Variants in SIN3A observed in about 807,000 individuals in gnomAD.
The protein encoded by SIN3A is SIN3 transcription regulator family member A.
SIN3A carries 14 observed loss-of-function variants against 146.1 expected under a neutral mutation model. The ratio of observed to expected loss-of-function variants is 0.10; its 90% CI spans 0.06 to 0.15. The LOEUF is 0.15. Among genes scored for constraint, SIN3A ranks in the 10% least tolerant of loss-of-function variants. The pLI, the probability that SIN3A is intolerant of heterozygous loss-of-function variation, is 1.00. For synonymous variants in SIN3A, 572 were observed against 572.0 expected, an observed-to-expected ratio of 1.00 and a Z score of 0.00; for missense variants, 1,028 against 1,576.0, an observed-to-expected ratio of 0.65 and a Z score of 5.89.
chr15:75,412,568 T>C (rs945785597), intron 5 of SIN3A, among the ~76,000 whole-genome samples, 195 bp downstream of exon 5: 1 of 152,224 alleles, frequency 6.6e-6, no homozygotes, highest in Non-Finnish European at 1.5e-5. Flanking sequence ...GCTGTGTTGA[T>C]TTAAATAGAT....
intron 16 of SIN3A, among the ~76,000 whole-genome samples, chr15:75,386,645 T>C (rs914643261): frequency 2.6e-5 from 4 of 152,212 alleles, no homozygotes; most frequent in Non-Finnish European, 5.9e-5. Flanking sequence ...TATGTTCATC[T>C]GCAGAGCAAA....
chr15:75,413,710 A>C (rs1248729530), intron 4 of SIN3A, among the ~76,000 whole-genome samples: 33 of 152,170 alleles, frequency 2.2e-4, no homozygotes, highest in Admixed American at 2.1e-3. Context: ...TGCCCGGCTA[A>C]TTTTTGGAAT....
chr15:75,375,355 G>C (rs1359302508), intron 20 of SIN3A, among the ~76,000 whole-genome samples: 1 of 152,186 alleles, frequency 6.6e-6, no homozygotes, highest in Admixed American at 6.5e-5. Context: ...GAATGCCAAA[G>C]ATTGCCAGCA....
At chr15:75,419,648 C>G (rs1318175461) in intron 3 of SIN3A, 1 of 150,670 alleles carries the variant, frequency 6.6e-6, no homozygotes, top group Non-Finnish European at 1.5e-5. Flanking sequence ...GGAAAAACCC[C>G]GTCCTAGTAA....
intron 1 of SIN3A, among the ~76,000 whole-genome samples, chr15:75,450,640 C>G (rs549412602): frequency 1.3e-5 from 2 of 152,354 alleles, no homozygotes; most frequent in South Asian, 4.1e-4. Context: ...CTGCATGGAG[C>G]AAAGCGGAGA....
intron 6 of SIN3A, 84 bp downstream of exon 6, chr15:75,411,408 G>C (rs968199799): frequency 7.6e-7 from 1 of 1,322,998 alleles, no homozygotes; most frequent in African/African-American, 1.5e-5. Context: ...ATGAATTAAT[G>C]GACACAATAA....
intron 6 of SIN3A, 146 bp from the exon 7 acceptor site, chr15:75,410,432 TTC>T (rs1236512355): frequency 1.4e-6 from 1 of 710,272 alleles, no homozygotes; most frequent in African/African-American, 1.8e-5. Context: ...ACCACAGACT[TTC>T]AAGTTGAGAA....
chr15:75,447,820 C>T (rs1285275618), intron 1 of SIN3A: 1 of 151,940 alleles, frequency 6.6e-6, no homozygotes, highest in Non-Finnish European at 1.5e-5. Flanking sequence ...GCATACAAGA[C>T]AAAAAGTGGG....
chr15:75,375,559 G>T, intron 20 of SIN3A, 106 bp downstream of exon 20: 1 of 848,160 alleles, frequency 1.2e-6, no homozygotes, highest in Non-Finnish European at 1.9e-6. Flanking sequence ...TCAGCTCCAA[G>T]AACAGGTTTG....
intron 4 of SIN3A, 66 bp from the exon 5 acceptor site, chr15:75,413,111 T>G (rs888294188): frequency 2.7e-6 from 4 of 1,493,540 alleles, no homozygotes; most frequent in Non-Finnish European, 3.6e-6. Flanking sequence ...AAGAAAAAAT[T>G]TCATGTTTTT....
At chr15:75,415,854 GAAAAAAAA>G in intron 3 of SIN3A, 1 of 95,796 alleles carries the variant, frequency 1.0e-5, no homozygotes, top group Non-Finnish European at 2.0e-5. Flanking sequence ...TCGGTCTCAG[GAAAAAAAA>G]AAAAAAAAAA....
intron 17 of SIN3A, among the ~76,000 whole-genome samples, chr15:75,382,562 A>G (rs1325602431): frequency 6.6e-6 from 1 of 152,242 alleles, no homozygotes; most frequent in Non-Finnish European, 1.5e-5. Context: ...CCACCAATAC[A>G]GGCATTAATT....
chr15:75,451,045 C>A (rs533215444), intron 1 of SIN3A, among the ~76,000 whole-genome samples: 2 of 148,854 alleles, frequency 1.3e-5, no homozygotes, highest in African/African-American at 4.9e-5. Flanking sequence ...CCCCAGCAGG[C>A]CAGAGCGCGG....
intron 1 of SIN3A, among the ~76,000 whole-genome samples, chr15:75,434,025 T>C (rs770745825): frequency 6.6e-6 from 1 of 152,214 alleles, no homozygotes; most frequent in Non-Finnish European, 1.5e-5. Context: ...GCACAGCTAG[T>C]AAGAGGCAAA....
chr15:75,430,254 T>C lies in SIN3A; in HGVS notation c.122A>G (p.Tyr41Cys), dbSNP rs1020770197. The change falls in exon 2 of 21, where the codon TAT becomes TGT. Residue 41 changes from tyrosine (Y) to cysteine (C), a missense_variant. Tyr to Cys is a radical substitution (Grantham distance 194). Around this residue, in one of 9 missense-constraint regions of SIN3A, gnomAD observed 152 missense variants for 231.5 expected, o/e 0.66. Coordinates refer to ENST00000394947, the MANE Select transcript of SIN3A (RefSeq NM_001145358.2). ...HRVLAPAPPV[Y>C]EAVSETMQSA... Reference sequence around the variant, plus strand: ...CTGCATGGTCTCAGACACTGCTTCATACACAGGAGGGGCAGGGGCAAGCAC... The same window carrying C: ...CTGCATGGTCTCAGACACTGCTTCACACACAGGAGGGGCAGGGGCAAGCAC... 4 of 1,614,036 alleles carry C rather than the reference T, an allele frequency of 2.5e-6. No individual in the cohort carries two copies. In the African/African-American group the frequency reaches 5.3e-5, roughly 22 times the overall value.
intron 2 of SIN3A, among the ~76,000 whole-genome samples, chr15:75,424,634 C>T (rs1249466674): frequency 6.6e-6 from 1 of 152,082 alleles, no homozygotes; most frequent in Non-Finnish European, 1.5e-5. Flanking sequence ...ACCACCATGC[C>T]TGGTTAATTG....
chr15:75,404,222 C>G (rs1475716496), intron 9 of SIN3A, among the ~76,000 whole-genome samples: 1 of 152,186 alleles, frequency 6.6e-6, no homozygotes, highest in South Asian at 2.1e-4. Flanking sequence ...ACTTTTAAAG[C>G]TAAAGATAAA....
intron 13 of SIN3A, 83 bp downstream of exon 13, chr15:75,396,175 T>C: frequency 9.9e-7 from 1 of 1,012,010 alleles, no homozygotes; most frequent in South Asian, 1.5e-5. Flanking sequence ...GACAACCAGG[T>C]TGAAAATGAG....
chr15:75,430,747 A>G (rs1457064276), intron 1 of SIN3A, among the ~76,000 whole-genome samples: 1 of 152,050 alleles, frequency 6.6e-6, no homozygotes, highest in Non-Finnish European at 1.5e-5. Flanking sequence ...TATTAATTAC[A>G]TATCTACATG....
Sources: gnomAD v4.1 joint callset for allele counts (sites outside exome capture counted in the v4.1 genomes callset) on GRCh38, gnomAD v4.1.1 for gene constraint, gnomAD v4.1.1 regional missense constraint, MANE v1.5 for transcripts, NCBI Gene and HGNC (gene_info 2026-07-23, HGNC 2026-07-21) for gene names.